Variants in TTC21A observed in about 807,000 individuals in gnomAD.
TTC21A encodes the protein tetratricopeptide repeat protein 21A.
A neutral mutation model predicts 156.4 loss-of-function variants in TTC21A; 128 were observed. The observed-to-expected ratio is 0.82, with a 90% CI of 0.71 to 0.95. The LOEUF is 0.95. TTC21A is among the 40% of genes least tolerant of loss of function. The pLI is 0.00. For synonymous variants in TTC21A, 587 were observed against 617.1 expected (o/e 0.95, Z 0.72); for missense variants, 1,435 against 1,602.3 (o/e 0.90, Z 1.78).
intron 4 of TTC21A, 66 bp downstream of exon 4, chr3:39,111,083 G>A (rs1167765294): frequency 2.0e-6 from 3 of 1,514,678 alleles, no homozygotes; most frequent in African/African-American, 2.8e-5. Flanking sequence ...TAGCAGGGTG[G>A]CCCTCATTCC....
At chr3:39,116,576 A>G (rs1242689731) in intron 6 of TTC21A, among the ~76,000 whole-genome samples, 5 of 151,986 alleles carry the variant, frequency 3.3e-5, no homozygotes, top group Non-Finnish European at 7.4e-5. Flanking sequence ...CCTGGGCTCA[A>G]GTGATCCTCC....
At chr3:39,129,729 G>A (rs1053473924) in intron 15 of TTC21A, among the ~76,000 whole-genome samples, 6 of 152,220 alleles carry the variant, frequency 3.9e-5, no homozygotes, top group Admixed American at 6.5e-5. Flanking sequence ...GAGGGAGTAG[G>A]GAAGGCTATC....
chr3:39,128,130 C>T (rs1428920737), intron 12 of TTC21A, among the ~76,000 whole-genome samples: 2 of 152,136 alleles, frequency 1.3e-5, no homozygotes, highest in African/African-American at 4.8e-5. Flanking sequence ...AGTTTCCTGT[C>T]GTTTGTCTGA....
At chr3:39,125,214 T>G in intron 10 of TTC21A, 54 bp downstream of exon 10, 3 of 1,540,138 alleles carry the variant, frequency 1.9e-6, no homozygotes, top group Non-Finnish European at 2.7e-6. Context: ...TCTGCTGTCC[T>G]CCCACCCCCA....
At chr3:39,133,438 G>A (rs902377212) in intron 20 of TTC21A, among the ~76,000 whole-genome samples, 198 bp downstream of exon 20, 21 of 152,224 alleles carry the variant, frequency 1.4e-4, no homozygotes, top group African/African-American at 4.3e-4. Flanking sequence ...CTCACCTGCT[G>A]CAGCCCTTGG....
In TTC21A at chr3:39,138,544, T is replaced by C; in HGVS notation, c.3797-12T>C. On this transcript the variant is annotated splice_polypyrimidine_tract_variant and intron_variant, in intron 27 of 28. Coordinates refer to ENST00000683103, the MANE Select transcript of TTC21A (RefSeq NM_001366900.1). The stretch of plus-strand genomic sequence containing the variant: ...AGGGTGCCACCATCTTTGCTCTCCA[T>C]GTCCCCGGTAGGCTTCAAACTTGCT... 6.2e-7 allele frequency: 1 copy of C among 1,614,192 alleles called. No homozygotes were observed. The highest frequency in any genetic ancestry group is 8.5e-7 in the Non-Finnish European group (1 of 1,180,022).
At chr3:39,114,924 A>G (rs565058378) in intron 6 of TTC21A, among the ~76,000 whole-genome samples, 182 bp downstream of exon 6, 17 of 152,316 alleles carry the variant, frequency 1.1e-4, no homozygotes, top group African/African-American at 4.1e-4. Flanking sequence ...TGAAATACAC[A>G]TGATAACATG....
rs1270416494 is a variant in TTC21A, at chr3:39,130,180, A to G, written c.2208+29A>G. On this transcript the variant is annotated intron_variant, in intron 16 of 28. Coordinates refer to ENST00000683103, the MANE Select transcript of TTC21A (RefSeq NM_001366900.1). The surrounding 1 kb of genome is among the most constrained non-coding windows in gnomAD (Gnocchi z 4.5). ...AGTGAGAGGCCTCACAGCCTTGCCA[A>G]GTGGCCCCCCAGTCTCCCTTCTCCA... 1 of 1,612,954 alleles carries G rather than the reference A, an allele frequency of 6.2e-7. No individual in the cohort carries two copies.
chr3:39,115,316 G>A (rs1176848215), intron 6 of TTC21A, among the ~76,000 whole-genome samples: 5 of 151,022 alleles, frequency 3.3e-5, no homozygotes, highest in Admixed American at 2.0e-4. Context: ...GCCGCTTTGG[G>A]GAGGGTGTTT....
intron 4 of TTC21A, among the ~76,000 whole-genome samples, chr3:39,111,950 C>A (rs1183085668): frequency 6.6e-6 from 1 of 152,162 alleles, no homozygotes; most frequent in Admixed American, 6.5e-5. Context: ...ATGGAACCAG[C>A]GAGGTCCACG....
In TTC21A at chr3:39,125,451, T is replaced by C. The variant is rs775703173; in HGVS notation, c.1311T>C (p.Leu437=). Residue 437 remains leucine (L), a synonymous_variant, in exon 11 of 29, where the codon CTT becomes CTC. Coordinates refer to ENST00000683103, the MANE Select transcript of TTC21A (RefSeq NM_001366900.1). ...LHFSSMQGIP[L]GSEYFEKLDP... The stretch of plus-strand genomic sequence containing the variant: ...TCTCCAGCATGCAAGGCATCCCTCT[T>C]GGCTCTGAGTACTTTGAAAAGCTGG... 1.2e-6 allele frequency: 2 copies of C among 1,614,128 alleles called. No individual in the cohort carries two copies. Among genetic ancestry groups the C allele is most frequent in the Non-Finnish European group, 8.5e-7 (1 of 1,179,944 alleles).
In TTC21A at chr3:39,136,504, G is replaced by A. The variant is rs753499458; in HGVS notation, c.3092G>A (p.Cys1031Tyr). Residue 1031 changes from cysteine to tyrosine, a missense_variant, in exon 23 of 29, where the codon TGC (cysteine) becomes TAC (tyrosine). Physicochemically the swap from Cys to Tyr is radical, Grantham distance 194. Coordinates refer to ENST00000683103, the MANE Select transcript of TTC21A (RefSeq NM_001366900.1). Reference sequence around the variant, plus strand: ...TTCAATTACTGCAGAGGTATCTACTGCTGGTGAGTTGGGTGTGGTGTGTTG... The same window carrying A: ...TTCAATTACTGCAGAGGTATCTACTACTGGTGAGTTGGGTGTGGTGTGTTG... Reference protein sequence around the residue: ...PGFNYCRGIYCWHIGQPNEAL... With the variant: ...PGFNYCRGIYYWHIGQPNEAL... The A allele has an allele frequency of 3.7e-6, 6 of 1,613,982 alleles. No individual in the cohort carries two copies. Among genetic ancestry groups the A allele is most frequent in the Non-Finnish European group, 2.5e-6 (3 of 1,179,902 alleles).
At position 39,129,353 on chromosome 3, in the gene TTC21A, G is replaced by T. The variant is rs2038545517; in HGVS notation, c.2135+43G>T. On this transcript the variant is annotated intron_variant, in intron 15 of 28. Transcript: ENST00000683103. ...CACAATGACAGCTTCTTCTCCAATG[G>T]TATCTTAGGGAGTGTTTCCTTCAGA... 6.4e-6 allele frequency: 9 copies of T among 1,417,020 alleles called. No homozygotes were observed. The African/African-American group carries it at 9.9e-5, about 16-fold the overall frequency. The allele number at this position is 1,417,020 out of a possible 1,614,324, so 87.8% of individuals were successfully genotyped here.
chr3:39,110,405 A>G (rs1317914570), intron 3 of TTC21A: 5 of 567,706 alleles, frequency 8.8e-6, no homozygotes, highest in Non-Finnish European at 1.6e-5. Context: ...AGTTGGGGAA[A>G]CACCCTTCTT....
intron 13 of TTC21A, 34 bp from the exon 14 acceptor site, chr3:39,128,683 A>C (rs1043707166): frequency 6.2e-7 from 1 of 1,602,066 alleles, no homozygotes; most frequent in Non-Finnish European, 8.5e-7. Flanking sequence ...GCAGCAGTGA[A>C]CTGGAGCCCC....
intron 3 of TTC21A, 77 bp downstream of exon 3, chr3:39,110,216 C>T: frequency 4.6e-6 from 5 of 1,095,148 alleles, no homozygotes; most frequent in Non-Finnish European, 6.9e-6. Context: ...CACAGCCCCT[C>T]AAGGGCTGCC....
chr3:39,117,700 C>T lies in TTC21A; in HGVS notation c.717-369C>T, dbSNP rs79614539. On this transcript the variant is annotated intron_variant, in intron 6 of 28. Coordinates refer to ENST00000683103, the MANE Select transcript of TTC21A (RefSeq NM_001366900.1). ...GGATGACAGCTTAACTCTGGGGAGT[C>T]CCAGGCCCCTCTGTCTTGTTGCTCT... Among the ~76,000 whole-genome samples, 18 of 152,260 alleles carry T rather than the reference C, an allele frequency of 1.2e-4. No homozygotes were observed. The East Asian group carries it at 3.5e-3, about 29-fold the overall frequency.
Position 39,138,329 on chromosome 3 carries a change from T to G in TTC21A, c.3738T>G (p.Asp1246Glu), listed in dbSNP as rs200802349. The change falls in exon 27 of 29, where the codon GAT (aspartate) becomes GAG (glutamate). Residue 1246 changes from aspartate to glutamate, a missense_variant. Transcript: ENST00000683103. Reference protein sequence around the residue: ...FIMEKEQSYKDAVTNYKLAWK... With the variant: ...FIMEKEQSYKEAVTNYKLAWK... ...TGGAGAAGGAGCAGTCCTACAAGGA[T>G]GCAGTCACCAACTACAAACTGGCCT... The G allele has an allele frequency of 8.5e-5, 137 of 1,614,056 alleles. No homozygotes were observed. Among genetic ancestry groups the G allele is most frequent in the Non-Finnish European group, 1.1e-4 (128 of 1,180,022 alleles).
At position 39,130,755 on chromosome 3, in the gene TTC21A, T is replaced by C. The variant is rs1460932645; in HGVS notation, c.2374T>C (p.Cys792Arg). The C allele has an allele frequency of 6.2e-7, 1 of 1,614,212 alleles. No homozygotes were observed. Among genetic ancestry groups the C allele is most frequent in the Non-Finnish European group, 8.5e-7 (1 of 1,180,036 alleles). ...QKINGQDFLC[C>R]DLGKLLLKLK... Reference sequence around the variant, plus strand: ...GATTAATGGACAGGACTTTCTGTGCTGCGATCTGGGCAAACTGCTCCTGAA... The same window carrying C: ...GATTAATGGACAGGACTTTCTGTGCCGCGATCTGGGCAAACTGCTCCTGAA... Residue 792 changes from cysteine to arginine, a missense_variant, in exon 18 of 29, where the codon TGC becomes CGC. Cys to Arg is a radical substitution (Grantham distance 180). Coordinates refer to ENST00000683103, the MANE Select transcript of TTC21A (RefSeq NM_001366900.1). This position sits in a 1 kb window ranked among gnomAD's most constrained non-coding sequence, Gnocchi z 4.5.
Sources: gnomAD v4.1 joint callset for allele counts (sites outside exome capture counted in the v4.1 genomes callset) on GRCh38, gnomAD v4.1.1 for gene constraint, Gnocchi (gnomAD v3.1) non-coding constraint, MANE v1.5 for transcripts, NCBI Gene and HGNC (gene_info 2026-07-23, HGNC 2026-07-21) for gene names.